Variants in ERV3-1 observed in about 807,000 individuals in gnomAD.
The protein encoded by ERV3-1 is endogenous retrovirus group 3 member 1 Env polyprotein.
ERV3-1 carries 36 observed loss-of-function variants against 24.6 expected under a neutral mutation model. That is an observed-to-expected ratio of 1.47 (90% CI 1.12 to 1.94). ERV3-1 has a LOEUF of 1.94. Among genes scored for constraint, ERV3-1 ranks in the 30% most tolerant of loss-of-function variants. ERV3-1 has a pLI of 0.00. For synonymous variants in ERV3-1, 211 were observed against 122.6 expected (o/e 1.72, Z -4.76); for missense variants, 578 against 330.9 (o/e 1.75, Z -5.79).
At position 64,992,873 on chromosome 7, in the gene ERV3-1, CA is replaced by C. The variant is rs752860674; in HGVS notation, c.153del (p.Tyr51Ter). On this transcript the variant is annotated frameshift_variant, in exon 2 of 2. Transcript: ENST00000394323. LOFTEE classifies it high-confidence loss of function. ...GTTCCTAGGCAGGTCCCAGCACACT[CA>C]TAATAAGTGTGATACAACAGGGTTT... Reference protein sequence around the residue: ...MTKTLLYHTYYECAGTCLGTC... With the variant: ...MTKTLLYHTYXECAGTCLGTC... 1.0e-5 allele frequency: 8 copies of C among 766,390 alleles called. No homozygotes were observed. The South Asian group carries it at 1.1e-4, about 10-fold the overall frequency. The allele number at this position is 766,390 out of a possible 1,614,324, so 47.5% of individuals were successfully genotyped here. A position where few individuals can be genotyped will look rare whatever the true frequency, so the allele number is the denominator to read the frequency against.
chr7:64,999,212 C>G (rs1055550021), intron 1 of ERV3-1, among the ~76,000 whole-genome samples: 29 of 152,178 alleles, frequency 1.9e-4, no homozygotes, highest in Non-Finnish European at 1.5e-5. Flanking sequence ...ATGGGAGAGC[C>G]AATCTCCCCT....
At chr7:65,001,432 A>G (rs950379824) in intron 1 of ERV3-1, among the ~76,000 whole-genome samples, 6 of 152,212 alleles carry the variant, frequency 3.9e-5, no homozygotes, top group Non-Finnish European at 7.3e-5. Context: ...TTGGCAAGAA[A>G]CACCAGGATG....
intron 1 of ERV3-1, 100 bp from the exon 2 acceptor site, chr7:64,993,514 TG>T (rs1410281873): frequency 6.4e-6 from 1 of 155,980 alleles, no homozygotes; most frequent in East Asian, 1.9e-4. Context: ...AGAGAGTCCC[TG>T]GGTTTAAAGG....
intron 1 of ERV3-1, chr7:65,006,279 G>A: frequency 1.8e-6 from 1 of 557,210 alleles, no homozygotes; most frequent in Non-Finnish European, 3.2e-6. Context: ...TGCGGCAGTG[G>A]GGGCAGAGCT....
chr7:65,004,260 G>A (rs898997476), intron 1 of ERV3-1: 2 of 152,282 alleles, frequency 1.3e-5, no homozygotes, highest in Admixed American at 1.3e-4. Flanking sequence ...CTACTTGGGA[G>A]GCTGAGGTAG....
At position 64,992,815 on chromosome 7, in the gene ERV3-1, C is replaced by T. The variant is rs1411592926; in HGVS notation, c.212G>A (p.Cys71Tyr). The T allele has an allele frequency of 3.9e-6, 3 of 766,404 alleles. No homozygotes were observed. The Admixed American group carries it at 5.1e-5, about 13-fold the overall frequency. 47.5% of individuals were successfully genotyped at this position (766,404 alleles called of 1,614,324 possible). ...ATAAGGCTGGCCCCTTCCTGGGTCACAGACTGAGTAGGTTGTCTGGTTGTG... is the reference window on the plus strand; with the variant it reads ...ATAAGGCTGGCCCCTTCCTGGGTCATAGACTGAGTAGGTTGTCTGGTTGTG... ...CTHNQTTYSV[C>Y]DPGRGQPYVC... The change falls in exon 2 of 2, where the codon TGT (cysteine) becomes TAT (tyrosine). Residue 71 changes from cysteine to tyrosine, a missense_variant. Transcript: ENST00000394323.
chr7:65,000,768 C>G (rs6949548), intron 1 of ERV3-1, among the ~76,000 whole-genome samples: 144,397 of 152,174 alleles, frequency 0.95, 68,982 homozygotes, highest in East Asian at 1. Context: ...CTGGGTGACA[C>G]AGTGAGACCC....
chr7:65,000,659 C>A (rs1036852622), intron 1 of ERV3-1, among the ~76,000 whole-genome samples: 12 of 152,146 alleles, frequency 7.9e-5, no homozygotes, highest in East Asian at 1.9e-4. Flanking sequence ...ATGGTATGCA[C>A]CTGCAGTCCC....
At chr7:65,002,181 T>C (rs1295291184) in intron 1 of ERV3-1, among the ~76,000 whole-genome samples, 4 of 152,356 alleles carry the variant, frequency 2.6e-5, no homozygotes, top group African/African-American at 7.2e-5. Context: ...GAACAGTTTA[T>C]GGAAAGAAAC....
chr7:64,995,846 C>T (rs1250808864), intron 1 of ERV3-1, among the ~76,000 whole-genome samples: 1 of 152,220 alleles, frequency 6.6e-6, no homozygotes, highest in Admixed American at 6.5e-5. Flanking sequence ...TGTACTGCAA[C>T]AAGGCGCAGT....
rs770102017 is a variant in ERV3-1, at chr7:64,992,878, T to G, written c.149A>C (p.Tyr50Ser). 14 of 766,298 alleles carry G rather than the reference T, an allele frequency of 1.8e-5. No homozygotes were observed. The highest frequency in any genetic ancestry group is 3.1e-5 in the Non-Finnish European group (13 of 417,902). 47.5% of individuals were successfully genotyped at this position (766,298 alleles called of 1,614,324 possible). Reference protein sequence around the residue: ...IMTKTLLYHTYYECAGTCLGT... With the variant: ...IMTKTLLYHTSYECAGTCLGT... ...TAGGCAGGTCCCAGCACACTCATAA[T>G]AAGTGTGATACAACAGGGTTTTAGT... The change falls in exon 2 of 2, where the codon TAT becomes TCT. Residue 50 changes from tyrosine (Y) to serine (S), a missense_variant. Transcript: ENST00000394323.
intron 1 of ERV3-1, among the ~76,000 whole-genome samples, chr7:65,001,127 ACCC>A (rs1251183948): frequency 2.0e-5 from 3 of 151,940 alleles, no homozygotes; most frequent in Non-Finnish European, 4.4e-5. Context: ...TGCATGCCAA[ACCC>A]CCCGTGACAC....
intron 1 of ERV3-1, among the ~76,000 whole-genome samples, chr7:64,995,858 G>T (rs770420608): frequency 6.6e-6 from 1 of 152,222 alleles, no homozygotes; most frequent in Non-Finnish European, 1.5e-5. Flanking sequence ...AGGCGCAGTT[G>T]TCATTTGGTG....
At chr7:64,999,824 G>A (rs1399728903) in intron 1 of ERV3-1, among the ~76,000 whole-genome samples, 1 of 152,174 alleles carries the variant, frequency 6.6e-6, no homozygotes, top group Non-Finnish European at 1.5e-5. Flanking sequence ...GTCCCTGCCT[G>A]GCCTTGCAGA....
intron 1 of ERV3-1, among the ~76,000 whole-genome samples, chr7:64,994,322 C>A (rs1786355257): frequency 6.6e-6 from 1 of 152,132 alleles, no homozygotes; most frequent in African/African-American, 2.4e-5. Context: ...GCAATTACTT[C>A]ACAAATTTGG....
chr7:65,006,282 G>C, intron 1 of ERV3-1: 1 of 569,246 alleles, frequency 1.8e-6, no homozygotes, highest in Non-Finnish European at 3.1e-6. Context: ...GGCAGTGGGG[G>C]CAGAGCTGCC....
intron 1 of ERV3-1, among the ~76,000 whole-genome samples, chr7:65,000,971 G>T (rs1393644686): frequency 6.6e-6 from 1 of 152,114 alleles, no homozygotes; most frequent in Non-Finnish European, 1.5e-5. Flanking sequence ...TCATTTCTAA[G>T]TAAGAGCTAA....
intron 1 of ERV3-1, among the ~76,000 whole-genome samples, chr7:65,003,471 G>T (rs1296861938): frequency 6.6e-6 from 1 of 151,966 alleles, no homozygotes; most frequent in Non-Finnish European, 1.5e-5. Flanking sequence ...ACAGAGCAAG[G>T]CTCTGTCAAG....
rs1410085085 is a variant in ERV3-1, at chr7:65,006,551, C to G, written c.-399G>C. 4 of 1,576,956 alleles carry G rather than the reference C, an allele frequency of 2.5e-6. No homozygotes were observed. In the East Asian group the frequency reaches 6.7e-5, roughly 27 times the overall value. ...ACCCGGCACTCTCACCATTTCTAGG[C>G]TTCCAGTGGGTCCTGGCGTCTTAGC... On this transcript the variant is annotated 5_prime_UTR_variant, in exon 1 of 2. Coordinates refer to ENST00000394323, the MANE Select transcript of ERV3-1 (RefSeq NM_001007253.4).
Sources: allele counts gnomAD v4.1 joint callset (sites outside exome capture counted in the v4.1 genomes callset), GRCh38; gene constraint gnomAD v4.1.1; transcripts MANE v1.5; gene names NCBI Gene and HGNC (gene_info 2026-07-23, HGNC 2026-07-21).